CYTH4: variants seen among roughly 807,000 people sequenced by gnomAD.
CYTH4 encodes the protein cytohesin 4.
CYTH4 carries 22 observed loss-of-function variants against 57.5 expected under a neutral mutation model. That is an observed-to-expected ratio of 0.38 (90% confidence interval 0.27 to 0.55). The LOEUF (loss-of-function observed/expected upper bound fraction) is 0.55. Ranked by LOEUF, CYTH4 falls within the 20% of genes least tolerant of loss-of-function variation. The pLI is 0.74. For missense variants in CYTH4, 420 were observed against 535.6 expected, an observed-to-expected ratio of 0.78 and a Z score of 2.13; for synonymous variants, 186 against 206.5, an observed-to-expected ratio of 0.90 and a Z score of 0.85.
At chr22:37,305,997 G>C (rs1929380464) in intron 8 of CYTH4, among the ~76,000 whole-genome samples, 1 of 152,204 alleles carries the variant, frequency 6.6e-6, no homozygotes, top group Non-Finnish European at 1.5e-5. Flanking sequence ...AGACTCACAG[G>C]GATGGGAGGT....
intron 1 of CYTH4, among the ~76,000 whole-genome samples, chr22:37,285,296 C>T (rs931037312): frequency 6.6e-6 from 1 of 152,076 alleles, no homozygotes; most frequent in Admixed American, 6.5e-5. Context: ...GGGTTCATGT[C>T]ACACCTTGTG....
chr22:37,304,136 T>C (rs2284050), intron 8 of CYTH4: 309,939 of 456,050 alleles, frequency 0.68, 106,688 homozygotes, highest in South Asian at 0.79. Context: ...CTGGAAGTCT[T>C]CACAGAGGAG....
Position 37,311,196 on chromosome 22 carries a change from T to C in CYTH4, c.885+132T>C. 4.6e-6 allele frequency: 5 copies of C among 1,080,000 alleles called. No individual in the cohort carries two copies. Among genetic ancestry groups the C allele is most frequent in the Non-Finnish European group, 5.5e-6 (4 of 723,212 alleles). The allele number at this position is 1,080,000 out of a possible 1,614,324, so 66.9% of individuals were successfully genotyped here. ...ATCATTCAGTCCCCCTCCATGCCCATTTTACAGATGGGGAAAACGGGTACA... is the reference window on the plus strand; with the variant it reads ...ATCATTCAGTCCCCCTCCATGCCCACTTTACAGATGGGGAAAACGGGTACA... On this transcript the variant is annotated intron_variant, in intron 10 of 12. Coordinates refer to ENST00000248901, the MANE Select transcript of CYTH4 (RefSeq NM_013385.5). The surrounding 1 kb of genome is among the most constrained non-coding windows in gnomAD (Gnocchi z 4.4).
At chr22:37,290,264 T>C (rs1351938964) in intron 1 of CYTH4, among the ~76,000 whole-genome samples, 2 of 152,192 alleles carry the variant, frequency 1.3e-5, no homozygotes, top group African/African-American at 4.8e-5. Context: ...TCAACTTGGA[T>C]CCTGTGTCCA....
At chr22:37,288,348 G>T (rs1928625744) in intron 1 of CYTH4, among the ~76,000 whole-genome samples, 2 of 152,172 alleles carry the variant, frequency 1.3e-5, no homozygotes. Flanking sequence ...GGAGGCAGAG[G>T]TTGCAGTGAG....
chr22:37,294,565 G>A (rs1392890549), intron 2 of CYTH4, 95 bp from the exon 3 acceptor site: 74 of 1,403,536 alleles, frequency 5.3e-5, no homozygotes, highest in African/African-American at 8.5e-5. Flanking sequence ...TTTGAGAGTC[G>A]TGCCCAGGGG....
chr22:37,292,503 G>T (rs924186913), intron 1 of CYTH4, 118 bp from the exon 2 acceptor site: 3 of 950,452 alleles, frequency 3.2e-6, no homozygotes, highest in Non-Finnish European at 4.9e-6. Context: ...TGGAGGAGGT[G>T]GGCCTCTGTG....
Position 37,300,197 on chromosome 22 carries a change from G to A in CYTH4, c.435-710G>A, listed in dbSNP as rs2145863288. 3 of 717,496 alleles carry A rather than the reference G, an allele frequency of 4.2e-6. No homozygotes were observed. The East Asian group carries it at 8.0e-5, about 19-fold the overall frequency. 44.4% of individuals were successfully genotyped at this position (717,496 alleles called of 1,614,324 possible). A position where few individuals can be genotyped will look rare whatever the true frequency, so the allele number is the denominator to read the frequency against. ...GATCTGGGCTTTGGAGGGTGAGTAG[G>A]AGTTCACAATACAGAGAAGGAAGAA... On this transcript the variant is annotated intron_variant, in intron 6 of 12. Coordinates refer to ENST00000248901, the MANE Select transcript of CYTH4 (RefSeq NM_013385.5).
At position 37,311,918 on chromosome 22, in the gene CYTH4, T is replaced by A; in HGVS notation, c.958-102T>A. The A allele has an allele frequency of 3.5e-6, 5 of 1,442,926 alleles. No individual in the cohort carries two copies. The East Asian group carries it at 6.9e-5, about 20-fold the overall frequency. The allele number at this position is 1,442,926 out of a possible 1,614,324, so 89.4% of individuals were successfully genotyped here. ...TGCCCCTTCGCCTGTCGTAGGGCTG[T>A]CACGCTGATCAGGGACACTAGCGTC... On this transcript the variant is annotated intron_variant, in intron 11 of 12. Transcript: ENST00000248901. This position sits in a 1 kb window ranked among gnomAD's most constrained non-coding sequence, Gnocchi z 4.4.
At position 37,298,006 on chromosome 22, in the gene CYTH4, T is replaced by A; in HGVS notation, c.353+324T>A. The A allele has an allele frequency of 4.7e-6, 1 of 214,994 alleles. No homozygotes were observed. The highest frequency in any genetic ancestry group is 9.6e-6 in the Non-Finnish European group (1 of 104,638). 13.3% of individuals were successfully genotyped at this position (214,994 alleles called of 1,614,324 possible). On this transcript the variant is annotated intron_variant, in intron 5 of 12. Coordinates refer to ENST00000248901, the MANE Select transcript of CYTH4 (RefSeq NM_013385.5). This position sits in a 1 kb window ranked among gnomAD's most constrained non-coding sequence, Gnocchi z 4.1. ...TGCTAGTGGGAGAGACAGGTCTCAATAGTTGTAAAATATGTTAGAGAATGA... is the reference window on the plus strand; with the variant it reads ...TGCTAGTGGGAGAGACAGGTCTCAAAAGTTGTAAAATATGTTAGAGAATGA...
chr22:37,300,953 G>C lies in CYTH4; in HGVS notation c.481G>C (p.Asp161His). The change falls in exon 7 of 13, where the codon GAC (aspartate) becomes CAC (histidine). Residue 161 changes from aspartate (D) to histidine (H), a missense_variant. Transcript: ENST00000248901. ...FRLPGEAQKI[D>H]RMMEAFATRY... ...GCTGCCGGGCGAGGCCCAGAAGATA[G>C]ACCGGATGATGGAGGCCTTTGCCAC... The C allele has an allele frequency of 6.2e-7, 1 of 1,614,228 alleles. No individual in the cohort carries two copies. Among genetic ancestry groups the C allele is most frequent in the Non-Finnish European group, 8.5e-7 (1 of 1,180,038 alleles).
chr22:37,299,051 G>C (rs572659739), intron 5 of CYTH4, among the ~76,000 whole-genome samples, 175 bp from the exon 6 acceptor site: 1 of 152,148 alleles, frequency 6.6e-6, no homozygotes, highest in Non-Finnish European at 1.5e-5. Flanking sequence ...GAGGACAAGG[G>C]TGTGCCCTCA....
intron 1 of CYTH4, among the ~76,000 whole-genome samples, chr22:37,290,652 G>A (rs192381231): frequency 1.1e-3 from 175 of 152,244 alleles, no homozygotes; most frequent in African/African-American, 4.1e-3. Flanking sequence ...GGGACTACAG[G>A]TGCCCACCAC....
chr22:37,303,793 G>A (rs1163798605), intron 8 of CYTH4, among the ~76,000 whole-genome samples: 2 of 152,168 alleles, frequency 1.3e-5, no homozygotes, highest in African/African-American at 4.8e-5. Flanking sequence ...CTCAGACTCT[G>A]CTCTAAGCCC....
chr22:37,296,597 G>T (rs943922430), intron 4 of CYTH4: 1 of 155,772 alleles, frequency 6.4e-6, no homozygotes, highest in East Asian at 1.9e-4. Context: ...GAAGGAAACC[G>T]CAGGCAGACA....
rs1928571876 is a variant in CYTH4, at chr22:37,286,656, G to T, written c.19+4068G>T. Among the ~76,000 whole-genome samples, 3 of 152,068 alleles carry T rather than the reference G, an allele frequency of 2.0e-5. No homozygotes were observed. The South Asian group carries it at 6.2e-4, about 32-fold the overall frequency. On this transcript the variant is annotated intron_variant, in intron 1 of 12. Coordinates refer to ENST00000248901, the MANE Select transcript of CYTH4 (RefSeq NM_013385.5). ...CTGCTGGCAGAGAGGAGAAGGAAGG[G>T]CGTTCTGGGTACAAGGAATGGTGGT...
chr22:37,294,369 A>C (rs1928870260), intron 2 of CYTH4, among the ~76,000 whole-genome samples: 1 of 151,950 alleles, frequency 6.6e-6, no homozygotes. Context: ...AAGGTTGGAA[A>C]AAGGATGGGC....
intron 1 of CYTH4, among the ~76,000 whole-genome samples, chr22:37,285,208 A>T (rs1328611702): frequency 6.6e-6 from 1 of 152,198 alleles, no homozygotes; most frequent in Non-Finnish European, 1.5e-5. Flanking sequence ...ACAAAGAGGA[A>T]GTGGGGAGGA....
Position 37,313,478 on chromosome 22 carries a change from T to C in CYTH4, c.1152T>C (p.Ser384=). Residue 384 remains serine, a synonymous_variant, in exon 13 of 13, where the codon TCT becomes TCC. Transcript: ENST00000248901. The part of the protein sequence containing the change: ...ITRVPFYDLV[S]TRKKKIASKQ ...GTGTCCCCTTCTACGACCTGGTCTCTACTCGGAAGAAGAAGATTGCCAGCA... is the reference window on the plus strand; with the variant it reads ...GTGTCCCCTTCTACGACCTGGTCTCCACTCGGAAGAAGAAGATTGCCAGCA... The C allele has an allele frequency of 1.2e-6, 2 of 1,614,186 alleles. No individual in the cohort carries two copies. The highest frequency in any genetic ancestry group is 1.7e-6 in the Non-Finnish European group (2 of 1,180,010).
Sources: gnomAD v4.1 joint callset for allele counts (sites outside exome capture counted in the v4.1 genomes callset) on GRCh38, gnomAD v4.1.1 for gene constraint, Gnocchi (gnomAD v3.1) non-coding constraint, MANE v1.5 for transcripts, NCBI Gene and HGNC (gene_info 2026-07-23, HGNC 2026-07-21) for gene names.